TDRD9: variants seen among roughly 807,000 people sequenced by gnomAD.
TDRD9 encodes ATP-dependent RNA helicase TDRD9.
TDRD9 carries 124 observed loss-of-function variants against 172.6 expected under a neutral mutation model. That is an observed-to-expected ratio of 0.72 (90% CI 0.62 to 0.83). The LOEUF is 0.83. TDRD9 is among the 40% of genes least tolerant of loss of function. TDRD9 has a pLI of 0.00. For synonymous variants in TDRD9, 619 were observed against 617.1 expected (o/e 1.00, Z -0.05); for missense variants, 1,479 against 1,714.1 (o/e 0.86, Z 2.42).
chr14:104,002,783 G>A (rs1305563926), intron 13 of TDRD9, among the ~76,000 whole-genome samples: 2 of 151,212 alleles, frequency 1.3e-5, no homozygotes, highest in Non-Finnish European at 2.9e-5. Flanking sequence ...CCAGGCTGGA[G>A]TGCAGTGGCG....
At chr14:103,939,743 G>GTTTTTTTTTTTTTTTTTTTTTTTTTTT (rs371934680) in intron 1 of TDRD9, 2 of 17,448 alleles carry the variant, frequency 1.1e-4, no homozygotes, top group Non-Finnish European at 2.4e-4. Context: ...GAAAAAAAGT[G>GTTTTTTTTTTTTTTTTTTTTTTTTTTT]TTTTTTTTTT....
chr14:104,049,161 T>C lies in TDRD9; in HGVS notation c.3975-447T>C, dbSNP rs369836047. ...GTGTGTGTGTGTATGTATGTATGTATGTATACAGTTTTGCCTTGTTTTATA... is the reference window on the plus strand; with the variant it reads ...GTGTGTGTGTGTATGTATGTATGTACGTATACAGTTTTGCCTTGTTTTATA... On this transcript the variant is annotated intron_variant, in intron 34 of 35. Coordinates refer to ENST00000409874, the MANE Select transcript of TDRD9 (RefSeq NM_153046.3). 2.8e-4 allele frequency among the ~76,000 whole-genome samples: 42 copies of C among 152,190 alleles called. No homozygotes were observed. In the East Asian group the frequency reaches 4.1e-3, roughly 15 times the overall value.
chr14:103,976,865 A>G (rs1319334216), intron 7 of TDRD9, among the ~76,000 whole-genome samples: 2 of 151,210 alleles, frequency 1.3e-5, no homozygotes, highest in African/African-American at 2.4e-5. Flanking sequence ...ATTTTTACTT[A>G]TTTATTTTAG....
At chr14:104,005,534 C>T (rs2034409666) in intron 15 of TDRD9, 129 bp downstream of exon 15, 1 of 978,564 alleles carries the variant, frequency 1.0e-6, no homozygotes, top group Non-Finnish European at 1.5e-6. Context: ...AACTCTGTTC[C>T]TCCTGCCTCA....
At chr14:104,038,822 A>G (rs2035527969) in intron 32 of TDRD9, among the ~76,000 whole-genome samples, 1 of 152,034 alleles carries the variant, frequency 6.6e-6, no homozygotes, top group African/African-American at 2.4e-5. Flanking sequence ...GGTGTGCACC[A>G]CCACACCTGG....
In TDRD9 at chr14:103,994,151, A is replaced by G. The variant is rs145065709; in HGVS notation, c.1181-181A>G. Among the ~76,000 whole-genome samples, 13 of 152,364 alleles carry G rather than the reference A, an allele frequency of 8.5e-5. No individual in the cohort carries two copies. In the East Asian group the frequency reaches 2.1e-3, roughly 25 times the overall value. ...TTTTTCCCTATATTTTTGAGTTACT[A>G]CTAATCAATGTCACTGTGTACTTTT... is the stretch of plus-strand genomic sequence containing the variant. On this transcript the variant is annotated intron_variant, in intron 9 of 35. Coordinates refer to ENST00000409874, the MANE Select transcript of TDRD9 (RefSeq NM_153046.3).
chr14:103,970,276 G>A (rs2032961819), intron 5 of TDRD9, among the ~76,000 whole-genome samples: 2 of 152,118 alleles, frequency 1.3e-5, no homozygotes, highest in African/African-American at 2.4e-5. Flanking sequence ...AATGAGCAGG[G>A]GCGAGGGTGC....
At chr14:103,990,305 A>G (rs1003730479) in intron 8 of TDRD9, among the ~76,000 whole-genome samples, 2 of 152,238 alleles carry the variant, frequency 1.3e-5, no homozygotes, top group Admixed American at 6.5e-5. Flanking sequence ...CAGCAGGAGC[A>G]GTGACCATGG....
In TDRD9 at chr14:103,947,477, G is replaced by A. The variant is rs539958165; in HGVS notation, c.216-8187G>A. 5.3e-5 allele frequency among the ~76,000 whole-genome samples: 8 copies of A among 151,960 alleles called. No homozygotes were observed. In the East Asian group the frequency reaches 5.8e-4, roughly 11 times the overall value. On this transcript the variant is annotated intron_variant, in intron 1 of 35. Coordinates refer to ENST00000409874, the MANE Select transcript of TDRD9 (RefSeq NM_153046.3). ...CGAGTAGCTGGGACTACAGGCGCCC[G>A]CCACCACGCCCGGCTAATTTTTTTG...
intron 35 of TDRD9, among the ~76,000 whole-genome samples, chr14:104,051,485 G>A (rs781044813): frequency 6.6e-6 from 1 of 152,182 alleles, no homozygotes; most frequent in Non-Finnish European, 1.5e-5. Flanking sequence ...GGAATTGCTG[G>A]ATCAAATGGT....
chr14:104,015,315 A>G lies in TDRD9; in HGVS notation c.2223+474A>G, dbSNP rs539309185. Among the ~76,000 whole-genome samples the G allele has an allele frequency of 7.3e-4, 111 of 152,330 alleles. 2 individuals are homozygous for G. In the South Asian group the frequency reaches 0.013, roughly 18 times the overall value. ...AGCGAGTGAGAAGTGTGTCCTGGCC[A>G]GTGGAGACTGCCTCTGCTGTAGGGT... On this transcript the variant is annotated intron_variant, in intron 21 of 35. Transcript: ENST00000409874.
chr14:104,026,062 T>A lies in TDRD9; in HGVS notation c.2947T>A (p.Tyr983Asn), dbSNP rs200360500. The A allele has an allele frequency of 6.2e-7, 1 of 1,608,890 alleles. No individual in the cohort carries two copies. The highest frequency in any genetic ancestry group is 1.3e-5 in the African/African-American group (1 of 74,948). ...TATTTTCTAGGTATTCTTTGTAGAT[T>A]ATGGCAATAAGTCTCATGTAGATCT... ...GNSAEVFFVD[Y>N]GNKSHVDLHL... Residue 983 changes from tyrosine (Y) to asparagine (N), a missense_variant, in exon 27 of 36, where the codon TAT becomes AAT. Tyr to Asn is a moderately radical substitution (Grantham distance 143). Coordinates refer to ENST00000409874, the MANE Select transcript of TDRD9 (RefSeq NM_153046.3).
At chr14:103,931,610 G>A (rs2030394033) in intron 1 of TDRD9, among the ~76,000 whole-genome samples, 1 of 152,172 alleles carries the variant, frequency 6.6e-6, no homozygotes, top group Non-Finnish European at 1.5e-5. Flanking sequence ...GGTTTTGGTG[G>A]TAAAGTGACT....
intron 7 of TDRD9, 124 bp downstream of exon 7, chr14:103,975,677 A>T: frequency 4.3e-6 from 4 of 932,340 alleles, no homozygotes; most frequent in East Asian, 2.7e-5. Context: ...GATGCATACT[A>T]AGTGTACATA....
chr14:104,038,586 G>A (rs1260490351), intron 32 of TDRD9, among the ~76,000 whole-genome samples: 1 of 152,228 alleles, frequency 6.6e-6, no homozygotes, highest in African/African-American at 2.4e-5. Context: ...ACTTCCACAA[G>A]TGATCTGTCT....
At chr14:104,045,740 GA>G (rs1332389677) in intron 34 of TDRD9, among the ~76,000 whole-genome samples, 10 of 152,312 alleles carry the variant, frequency 6.6e-5, no homozygotes. Context: ...AGAGAGTATG[GA>G]TTGTTGTAAA....
intron 1 of TDRD9, among the ~76,000 whole-genome samples, chr14:103,937,284 G>A (rs980493386): frequency 6.6e-6 from 1 of 152,108 alleles, no homozygotes; most frequent in Non-Finnish European, 1.5e-5. Flanking sequence ...GGTCACATTG[G>A]CATTTTTTCT....
intron 6 of TDRD9, among the ~76,000 whole-genome samples, chr14:103,973,700 T>C (rs1233211211): frequency 6.6e-6 from 1 of 152,126 alleles, no homozygotes; most frequent in South Asian, 2.1e-4. Context: ...AAACCCAGTT[T>C]AGAGATCATT....
chr14:104,008,341 G>A (rs1441291275), intron 19 of TDRD9, 72 bp from the exon 20 acceptor site: 2 of 904,274 alleles, frequency 2.2e-6, no homozygotes, highest in Non-Finnish European at 3.6e-6. Flanking sequence ...GATGAAATAT[G>A]TATTAAAGTA....
Sources: allele counts gnomAD v4.1 joint callset (sites outside exome capture counted in the v4.1 genomes callset), GRCh38; gene constraint gnomAD v4.1.1; transcripts MANE v1.5; gene names NCBI Gene and HGNC (gene_info 2026-07-23, HGNC 2026-07-21).